Variants in RREB1 observed in about 807,000 individuals in gnomAD.
RREB1 encodes ras-responsive element-binding protein 1.
A neutral mutation model predicts 117.8 loss-of-function variants in RREB1; 27 were observed. The ratio of observed to expected loss-of-function variants is 0.23; its 90% CI spans 0.17 to 0.32. RREB1 has a LOEUF of 0.32. RREB1 is among the 10% of genes least tolerant of loss of function. The pLI is 1.00. For synonymous variants in RREB1, 1,298 were observed against 1,026.7 expected (o/e 1.26, Z -5.05); for missense variants, 2,577 against 2,378.2 (o/e 1.08, Z -1.74).
intron 12 of RREB1, 126 bp from the exon 13 acceptor site, chr6:7,248,385 G>T: frequency 1.3e-6 from 1 of 749,200 alleles, no homozygotes; most frequent in Non-Finnish European, 2.2e-6. Context: ...GAGGCCTCTG[G>T]CTGAGTAGGA....
intron 4 of RREB1, chr6:7,183,026 C>T (rs1270665689): frequency 6.6e-6 from 1 of 152,122 alleles, no homozygotes; most frequent in African/African-American, 2.4e-5. Context: ...TCTATAAATT[C>T]TTAGAAGTAG....
chr6:7,199,556 T>C (rs187071725), intron 6 of RREB1, among the ~76,000 whole-genome samples: 3 of 152,338 alleles, frequency 2.0e-5, no homozygotes, highest in Admixed American at 2.0e-4. Context: ...CAAATCCTTA[T>C]TATTTGAACA....
intron 1 of RREB1, among the ~76,000 whole-genome samples, chr6:7,164,857 A>C (rs1383368507): frequency 1.3e-5 from 2 of 152,232 alleles, no homozygotes; most frequent in Non-Finnish European, 2.9e-5. Context: ...TTGTGCAAGG[A>C]CATGGTGTTC....
rs1061637 is a variant in RREB1 at position 7,251,218 on chromosome 6, C to T, written c.*2250C>T. 0.19 allele frequency: 29,607 copies of T among 151,930 alleles called. 3,185 individuals carry two copies. Among genetic ancestry groups the T allele is most frequent in the East Asian group, 0.36 (1,869 of 5,162 alleles). 9.4% of individuals were successfully genotyped at this position (151,930 alleles called of 1,614,324 possible). Reference sequence around the variant, plus strand: ...TTTACTTAGCCTTGATCTGTACCCTCGTAGTCAATAAGGTCTTGCCACATT... The same window carrying T: ...TTTACTTAGCCTTGATCTGTACCCTTGTAGTCAATAAGGTCTTGCCACATT... On this transcript the variant is annotated 3_prime_UTR_variant, in exon 13 of 13. Transcript: ENST00000379938.
chr6:7,200,234 ATGTGTGTATATG>A (rs1765881987), intron 6 of RREB1, among the ~76,000 whole-genome samples: 1 of 125,196 alleles, frequency 8.0e-6, no homozygotes, highest in African/African-American at 3.2e-5. Flanking sequence ...ATATATATGT[ATGTGTGTATATG>A]TGTGTGTGTG....
At chr6:7,124,132 G>A (rs1267297009) in intron 1 of RREB1, among the ~76,000 whole-genome samples, 4 of 152,178 alleles carry the variant, frequency 2.6e-5, no homozygotes, top group African/African-American at 4.8e-5. Context: ...GAGTTTTGTC[G>A]TTGATTTTAT....
chr6:7,210,746 A>G (rs926016344), intron 6 of RREB1, 58 bp from the exon 7 acceptor site: 5 of 1,500,692 alleles, frequency 3.3e-6, no homozygotes, highest in African/African-American at 1.4e-5. Context: ...AATATTAAAA[A>G]CATAAATGAA....
intron 1 of RREB1, among the ~76,000 whole-genome samples, chr6:7,156,833 C>T (rs1305649905): frequency 2.0e-5 from 3 of 152,212 alleles, no homozygotes; most frequent in Non-Finnish European, 2.9e-5. Flanking sequence ...ATGCTGTGTA[C>T]GTACCCTGAG....
chr6:7,246,900 A>G lies in RREB1; in HGVS notation c.4450A>G (p.Ser1484Gly). The change falls in exon 12 of 13, where the codon AGC (serine) becomes GGC (glycine). Residue 1484 changes from serine to glycine, a missense_variant. Transcript: ENST00000379938. Reference protein sequence around the residue: ...EPKDEKGDGASTAEEGPQPAP... With the variant: ...EPKDEKGDGAGTAEEGPQPAP... The stretch of plus-strand genomic sequence containing the variant: ...CAAGGACGAGAAGGGAGATGGCGCC[A>G]GCACTGCAGAGGAGGGGCCCCAGCC... 1 of 1,553,686 alleles carries G rather than the reference A, an allele frequency of 6.4e-7. No individual in the cohort carries two copies.
rs1387178960 is a variant in RREB1 at position 7,229,990 on chromosome 6, G to A, written c.1891G>A (p.Gly631Ser). ...ACTCAAGGCCTTCATGACAGCGCCC[G>A]GCGGCAAGAAGACGCCCGCCATGCG... The part of the protein sequence containing the change: ...GELKAFMTAP[G>S]GKKTPAMRKV... Residue 631 changes from glycine (G) to serine (S), a missense_variant, in exon 10 of 13, where the codon GGC becomes AGC. By Grantham distance (56) the Gly-to-Ser change is moderately conservative. Transcript: ENST00000379938. This position sits in a 1 kb window ranked among gnomAD's most constrained non-coding sequence, Gnocchi z 4.5. 6 of 1,607,456 alleles carry A rather than the reference G, an allele frequency of 3.7e-6. No individual in the cohort carries two copies. The East Asian group carries it at 6.7e-5, about 18-fold the overall frequency.
At chr6:7,166,876 G>A (rs1038814759) in intron 1 of RREB1, among the ~76,000 whole-genome samples, 20 of 152,278 alleles carry the variant, frequency 1.3e-4, no homozygotes, top group Admixed American at 2.0e-4. Flanking sequence ...AGGCCAGCCC[G>A]GCGACCTCAG....
chr6:7,108,725 G>C (rs2113261773), intron 1 of RREB1: 1 of 147,916 alleles, frequency 6.8e-6, no homozygotes, highest in East Asian at 2.0e-4. Flanking sequence ...GCCTGCCCGG[G>C]GTGCTCGCGC....
intron 8 of RREB1, among the ~76,000 whole-genome samples, chr6:7,221,452 G>A (rs1333920246): frequency 1.3e-5 from 2 of 152,202 alleles, no homozygotes; most frequent in African/African-American, 4.8e-5. Context: ...GATTACAGGC[G>A]TGAGCCACCG....
At chr6:7,174,734 A>C (rs1473026638) in intron 1 of RREB1, among the ~76,000 whole-genome samples, 1 of 152,106 alleles carries the variant, frequency 6.6e-6, no homozygotes, top group Non-Finnish European at 1.5e-5. Context: ...TCAGTCTCCC[A>C]GGTAGCTGGG....
chr6:7,229,135 GA>G lies in RREB1; in HGVS notation c.1040del (p.Lys347SerfsTer64). On this transcript the variant is annotated frameshift_variant, in exon 10 of 13. Transcript: ENST00000379938. LOFTEE classifies it high-confidence loss of function. This position sits in a 1 kb window ranked among gnomAD's most constrained non-coding sequence, Gnocchi z 4.5. ...QTHVAADQGQ[E>X]KPQATPLPGD... ...CCATGTGGCGGCAGACCAGGGTCAA[GA>G]AAAGCCGCAGGCCACGCCCCTGCCT... The G allele has an allele frequency of 1.2e-6, 2 of 1,609,212 alleles. No individual in the cohort carries two copies. The highest frequency in any genetic ancestry group is 1.7e-6 in the Non-Finnish European group (2 of 1,176,284).
chr6:7,196,673 T>C (rs1765694734), intron 6 of RREB1, among the ~76,000 whole-genome samples: 1 of 152,214 alleles, frequency 6.6e-6, no homozygotes, highest in African/African-American at 2.4e-5. Flanking sequence ...CAACTTATTT[T>C]GAGAAAGGTT....
At chr6:7,210,972 T>A (rs147679022) in intron 7 of RREB1, 24 bp downstream of exon 7, 1 of 1,608,910 alleles carries the variant, frequency 6.2e-7, no homozygotes, top group African/African-American at 1.3e-5. Context: ...CCAGTGCAGA[T>A]TCACCTGCTC....
intron 4 of RREB1, chr6:7,183,069 C>T (rs1764888008): frequency 6.6e-6 from 1 of 152,132 alleles, no homozygotes; most frequent in African/African-American, 2.4e-5. Flanking sequence ...ACAACTTGCC[C>T]TACAAGAAAA....
At chr6:7,201,320 C>T (rs970594584) in intron 6 of RREB1, among the ~76,000 whole-genome samples, 1 of 152,316 alleles carries the variant, frequency 6.6e-6, no homozygotes, top group East Asian at 1.9e-4. Flanking sequence ...GGCAGCATTT[C>T]CACCGTAGCA....
Sources: gnomAD v4.1 joint callset for allele counts (sites outside exome capture counted in the v4.1 genomes callset) on GRCh38, gnomAD v4.1.1 for gene constraint, Gnocchi (gnomAD v3.1) non-coding constraint, MANE v1.5 for transcripts, NCBI Gene and HGNC (gene_info 2026-07-23, HGNC 2026-07-21) for gene names.